The following USH1C variants were observed in gnomAD, a reference collection of about 807,000 sequenced individuals.
The protein encoded by USH1C is USH1 protein network component harmonin.
A neutral mutation model predicts 119.3 loss-of-function variants in USH1C; 90 were observed. That is an observed-to-expected ratio of 0.75 (90% CI 0.64 to 0.90). The LOEUF (loss-of-function observed/expected upper bound fraction) is 0.90. Ranked by LOEUF, USH1C falls within the 40% of genes least tolerant of loss-of-function variation. USH1C has a pLI of 0.00. For synonymous variants in USH1C, 465 were observed against 443.3 expected, an observed-to-expected ratio of 1.05 and a Z score of -0.62; for missense variants, 1,165 against 1,167.7, an observed-to-expected ratio of 1.00 and a Z score of 0.03.
Position 17,544,190 on chromosome 11 carries a change from G to A in USH1C, c.36+82C>T, listed in dbSNP as rs548596605. 1.2e-5 allele frequency: 19 copies of A among 1,573,364 alleles called. No individual in the cohort carries two copies. The African/African-American group carries it at 2.2e-4, about 18-fold the overall frequency. On this transcript the variant is annotated intron_variant, in intron 1 of 26. Coordinates refer to ENST00000005226, the MANE Select transcript of USH1C (RefSeq NM_153676.4). ...TCAGGTGGGGCCGGAAAAGGGAGGG[G>A]CAGTGCCGGGGTGTCCACCCCCTAC...
At chr11:17,526,166 A>C (rs544479781) in intron 8 of USH1C, among the ~76,000 whole-genome samples, 181 bp downstream of exon 8, 1 of 152,288 alleles carries the variant, frequency 6.6e-6, no homozygotes, top group South Asian at 2.1e-4. Flanking sequence ...ATGCCACTGC[A>C]CTCCAGCCTG....
At chr11:17,538,899 T>C (rs929706943) in intron 1 of USH1C, among the ~76,000 whole-genome samples, 1 of 152,208 alleles carries the variant, frequency 6.6e-6, no homozygotes, top group Non-Finnish European at 1.5e-5. Context: ...CCTGTTCTGG[T>C]AACCTTCCCT....
chr11:17,512,246 A>G (rs1305389579), intron 15 of USH1C, among the ~76,000 whole-genome samples, 192 bp from the exon 16 acceptor site: 1 of 152,032 alleles, frequency 6.6e-6, no homozygotes, highest in South Asian at 2.1e-4. Flanking sequence ...AGAGTGGGAG[A>G]CACATTCTCT....
chr11:17,519,489 T>G (rs1850316495), intron 14 of USH1C, among the ~76,000 whole-genome samples: 1 of 152,208 alleles, frequency 6.6e-6, no homozygotes, highest in South Asian at 2.1e-4. Flanking sequence ...TGAGAGGGTG[T>G]GTTTGCTGTG....
chr11:17,494,545 C>T, intron 26 of USH1C, 169 bp from the exon 27 acceptor site: 1 of 718,200 alleles, frequency 1.4e-6, no homozygotes, highest in Non-Finnish European at 2.5e-6. Context: ...ACACCAGCCA[C>T]AGCCACAGCA....
intron 12 of USH1C, 139 bp from the exon 13 acceptor site, chr11:17,521,550 T>G (rs770397737): frequency 1.2e-6 from 1 of 824,100 alleles, no homozygotes; most frequent in East Asian, 2.6e-5. Context: ...AGCTTTGGTT[T>G]TGGGGGACGT....
Position 17,501,963 on chromosome 11 carries a change from C to T in USH1C, c.2202G>A (p.Glu734=). ...TAFRQDFRKY[E]EGFDPYSMFT... ...CCATAGAGTAGGGGTCAAAGCCTTC[C>T]TCATATTTCCGGAAATCCTGGAAGC... The change falls in exon 21 of 27, where the codon GAG becomes GAA. Residue 734 remains glutamate (E), a synonymous_variant. Transcript: ENST00000005226. The T allele has an allele frequency of 6.2e-7, 1 of 1,613,790 alleles. No homozygotes were observed. The highest frequency in any genetic ancestry group is 8.5e-7 in the Non-Finnish European group (1 of 1,179,878).
In USH1C at chr11:17,501,046, C is replaced by T; in HGVS notation, c.2380+5G>A. On this transcript the variant is annotated splice_donor_5th_base_variant and intron_variant, in intron 23 of 26. Transcript: ENST00000005226. ...CAAACCTGGGTGTGGCTAGTCTCCA[C>T]TCACCATGCCGCTCAGCAGCTCCCC... The T allele has an allele frequency of 4.3e-6, 7 of 1,612,802 alleles. No homozygotes were observed. Among genetic ancestry groups the T allele is most frequent in the African/African-American group, 1.3e-5 (1 of 75,036 alleles).
rs1565026376 is a variant in USH1C at position 17,504,685 on chromosome 11, A to G, written c.2146T>C (p.Leu716=). Reference sequence around the variant, plus strand: ...GTCTGATAAACCACCATCCTCTTCAACATCTCCTGTGGCTGCCAGAGGAAA... The same window carrying G: ...GTCTGATAAACCACCATCCTCTTCAGCATCTCCTGTGGCTGCCAGAGGAAA... ...VKSEVLPQEM[L]KRMVVYQTAF... is the part of the protein sequence containing the mutation. The change falls in exon 20 of 27, where the codon TTG becomes CTG. Residue 716 remains leucine, a synonymous_variant. Transcript: ENST00000005226. 1 of 1,614,096 alleles carries G rather than the reference A, an allele frequency of 6.2e-7. No homozygotes were observed. Among genetic ancestry groups the G allele is most frequent in the South Asian group, 1.1e-5 (1 of 91,082 alleles).
Position 17,501,131 on chromosome 11 carries a change from G to C in USH1C, c.2300C>G (p.Ala767Gly), listed in dbSNP as rs1257828310. The change falls in exon 23 of 27, where the codon GCC becomes GGC. Residue 767 changes from alanine (A) to glycine (G), a missense_variant. Coordinates refer to ENST00000005226, the MANE Select transcript of USH1C (RefSeq NM_153676.4). The stretch of plus-strand genomic sequence containing the variant: ...GGGGGAGTCCACACCGCCTTCCAGG[G>C]CCAGGTCTAAGGATCCCTCCTGGTT... ...RIKKEGSLDLALEGGVDSPIG... is the reference protein window; with the variant it reads ...RIKKEGSLDLGLEGGVDSPIG... 6.2e-7 allele frequency: 1 copy of C among 1,613,934 alleles called. No homozygotes were observed. The highest frequency in any genetic ancestry group is 1.1e-5 in the South Asian group (1 of 91,026).
At chr11:17,533,508 C>T (rs975208658) in intron 1 of USH1C, 186 bp from the exon 2 acceptor site, 3 of 662,312 alleles carry the variant, frequency 4.5e-6, no homozygotes, top group Admixed American at 2.1e-5. Flanking sequence ...CTATGCAGAC[C>T]ACCCCAACGT....
chr11:17,517,090 G>A (rs1850183850), intron 14 of USH1C, among the ~76,000 whole-genome samples: 1 of 152,206 alleles, frequency 6.6e-6, no homozygotes, highest in Non-Finnish European at 1.5e-5. Flanking sequence ...CTGGATTTGA[G>A]AGTGGTCTAG....
chr11:17,494,923 G>A (rs1256917796), intron 26 of USH1C: 1 of 222,796 alleles, frequency 4.5e-6, no homozygotes, highest in Non-Finnish European at 9.0e-6. Flanking sequence ...CCCACAGATA[G>A]AGCCCAGAGC....
intron 21 of USH1C, 70 bp downstream of exon 21, chr11:17,501,869 C>G: frequency 6.4e-7 from 1 of 1,565,674 alleles, no homozygotes; most frequent in Non-Finnish European, 8.7e-7. Context: ...GCACCACTAT[C>G]AAACCCTCTA....
chr11:17,498,088 G>A, intron 24 of USH1C, 74 bp downstream of exon 24: 1 of 1,394,770 alleles, frequency 7.2e-7, no homozygotes, highest in Non-Finnish European at 1.0e-6. Flanking sequence ...ATCCTATTGT[G>A]AGACCTGGCT....
rs749924388 is a variant in USH1C, at chr11:17,522,883, G to A, written c.920C>T (p.Ala307Val). The A allele has an allele frequency of 5.6e-6, 9 of 1,610,518 alleles. No individual in the cohort carries two copies. In the East Asian group the frequency reaches 6.7e-5, roughly 12 times the overall value. The change falls in exon 12 of 27, where the codon GCG becomes GTG. Residue 307 changes from alanine (A) to valine (V), a missense_variant. By Grantham distance (64) the Ala-to-Val change is moderately conservative (BLOSUM62 0). Coordinates refer to ENST00000005226, the MANE Select transcript of USH1C (RefSeq NM_153676.4). ...FMTDRERLAEARQRELQRQEL... is the reference protein window; with the variant it reads ...FMTDRERLAEVRQRELQRQEL... ...CTGCCGCTGCAGCTCACGCTGCCGC[G>A]CCTCTGCCAGCCGCTCCCGGTCTGT...
chr11:17,520,722 T>C (rs1850371709), intron 14 of USH1C, 148 bp downstream of exon 14: 2 of 955,640 alleles, frequency 2.1e-6, no homozygotes, highest in African/African-American at 1.6e-5. Flanking sequence ...CTGGGGCAGA[T>C]GGTCTCTGAC....
rs555613479 is a variant in USH1C at position 17,500,912 on chromosome 11, C to G, written c.2380+139G>C. On this transcript the variant is annotated intron_variant, in intron 23 of 26. Coordinates refer to ENST00000005226, the MANE Select transcript of USH1C (RefSeq NM_153676.4). The stretch of plus-strand genomic sequence containing the variant: ...TGCCCCCAGGGATTGGACAGGCAGT[C>G]GGATGGATGGACCCGAGTGGGAGGG... 1.6e-5 allele frequency: 12 copies of G among 745,236 alleles called. No individual in the cohort carries two copies. In the African/African-American group the frequency reaches 2.1e-4, roughly 13 times the overall value. The allele number at this position is 745,236 out of a possible 1,614,324, so 46.2% of individuals were successfully genotyped here. A position where few individuals can be genotyped will look rare whatever the true frequency, so the allele number is the denominator to read the frequency against.
At position 17,493,992 on chromosome 11, in the gene USH1C, G is replaced by GGA. The variant is rs544424548; in HGVS notation, c.*338_*339dup. Reference sequence around the variant, plus strand: ...AGAGCAGAGGGCAGAGGAGAGGGATGGAGAGAGAGAGACTCCAGTGGGGTC... The same window carrying GGA: ...AGAGCAGAGGGCAGAGGAGAGGGATGGAGAGAGAGAGAGACTCCAGTGGGGTC... On this transcript the variant is annotated 3_prime_UTR_variant, in exon 27 of 27. Transcript: ENST00000005226. 5.4e-4 allele frequency: 219 copies of GGA among 406,482 alleles called. 1 individual carries two copies. The highest frequency in any genetic ancestry group is 4.1e-3 in the African/African-American group (202 of 49,404). 25.2% of individuals were successfully genotyped at this position (406,482 alleles called of 1,614,324 possible).
Sources: gnomAD v4.1 joint callset for allele counts (sites outside exome capture counted in the v4.1 genomes callset) on GRCh38, gnomAD v4.1.1 for gene constraint, MANE v1.5 for transcripts, NCBI Gene and HGNC (gene_info 2026-07-23, HGNC 2026-07-21) for gene names.